VPS54: variants seen among roughly 807,000 people sequenced by gnomAD.
VPS54 encodes VPS54 subunit of GARP complex, also known as vacuolar protein sorting-associated protein 54.
VPS54 carries 45 observed loss-of-function variants against 121.5 expected under a neutral mutation model. The ratio of observed to expected loss-of-function variants is 0.37; its 90% CI spans 0.29 to 0.47. VPS54 has a LOEUF of 0.47. Among genes scored for constraint, VPS54 ranks in the 20% least tolerant of loss-of-function variants. The probability of loss-of-function intolerance (pLI) is 0.99; values close to 1 mark genes in which losing one functional copy is unlikely to be tolerated. For missense variants in VPS54, 1,090 were observed against 1,131.4 expected (o/e 0.96, Z 0.52); for synonymous variants, 371 against 385.8 (o/e 0.96, Z 0.45).
intron 1 of VPS54, among the ~76,000 whole-genome samples, chr2:63,985,003 A>C (rs1261190238): frequency 1.3e-5 from 2 of 152,236 alleles, no homozygotes; most frequent in Non-Finnish European, 2.9e-5. Context: ...AAAATCTGGC[A>C]AAAAGATAAA....
intron 20 of VPS54, 111 bp downstream of exon 20, chr2:63,912,234 C>T: frequency 1.9e-6 from 2 of 1,055,198 alleles, no homozygotes; most frequent in Non-Finnish European, 2.7e-6. Context: ...TGGTAAATAT[C>T]CTATGAAAGT....
intron 1 of VPS54, among the ~76,000 whole-genome samples, chr2:64,013,640 ATCAATATATAGATATATATT>A (rs1023275534): frequency 1.6e-4 from 23 of 146,140 alleles, no homozygotes; most frequent in African/African-American, 5.3e-4. Flanking sequence ...ATAAATATAT[ATCAATATATAGATATATATT>A]GATATATATA....
At chr2:63,977,127 C>T (rs1284462902) in intron 3 of VPS54, among the ~76,000 whole-genome samples, 1 of 152,132 alleles carries the variant, frequency 6.6e-6, no homozygotes, top group African/African-American at 2.4e-5. Context: ...CCATGCCCAG[C>T]CTTCTCTTTT....
intron 20 of VPS54, among the ~76,000 whole-genome samples, chr2:63,902,003 A>C (rs1672698628): frequency 6.6e-6 from 1 of 152,148 alleles, no homozygotes; most frequent in African/African-American, 2.4e-5. Flanking sequence ...AGACAAGAGC[A>C]AAACTCCGTC....
At chr2:63,910,707 G>T (rs1185674067) in intron 20 of VPS54, among the ~76,000 whole-genome samples, 1 of 152,108 alleles carries the variant, frequency 6.6e-6, no homozygotes, top group Non-Finnish European at 1.5e-5. Context: ...GCATACATGG[G>T]AAGTTAATTA....
chr2:63,989,811 G>A (rs1237821800), intron 1 of VPS54, among the ~76,000 whole-genome samples: 1 of 152,130 alleles, frequency 6.6e-6, no homozygotes, highest in Non-Finnish European at 1.5e-5. Flanking sequence ...ACTCTATTCA[G>A]GGCAGTGGGA....
intron 3 of VPS54, among the ~76,000 whole-genome samples, chr2:63,978,071 T>G (rs1029989337): frequency 5.3e-5 from 8 of 152,244 alleles, no homozygotes; most frequent in Non-Finnish European, 1.0e-4. Context: ...TCTATGATCT[T>G]ATGATTAGGT....
chr2:63,927,591 G>T (rs975473436), intron 12 of VPS54, among the ~76,000 whole-genome samples: 1 of 152,198 alleles, frequency 6.6e-6, no homozygotes, highest in African/African-American at 2.4e-5. Flanking sequence ...CCAAAAGCCA[G>T]AATACCTCTT....
chr2:63,984,985 C>T (rs781063788), intron 1 of VPS54, among the ~76,000 whole-genome samples: 21 of 151,992 alleles, frequency 1.4e-4, no homozygotes, highest in South Asian at 4.2e-4. Context: ...AACAAAAAGC[C>T]AAGTTAGAAA....
intron 1 of VPS54, among the ~76,000 whole-genome samples, chr2:63,998,617 T>G (rs761266885): frequency 6.6e-6 from 1 of 152,200 alleles, no homozygotes; most frequent in Non-Finnish European, 1.5e-5. Flanking sequence ...TACTATCTTA[T>G]AACCCACTGT....
chr2:64,017,384 A>G (rs1678759102), intron 1 of VPS54, among the ~76,000 whole-genome samples: 1 of 151,988 alleles, frequency 6.6e-6, no homozygotes, highest in African/African-American at 2.4e-5. Context: ...TGATGAAGAA[A>G]TTCTGCAAAA....
At chr2:63,951,522 G>T (rs747896547) in intron 7 of VPS54, among the ~76,000 whole-genome samples, 3 of 152,128 alleles carry the variant, frequency 2.0e-5, no homozygotes, top group Non-Finnish European at 4.4e-5. Context: ...AGTAGCAACA[G>T]GAGGTGGTTA....
At chr2:63,979,701 A>G (rs1676719232) in intron 3 of VPS54, among the ~76,000 whole-genome samples, 4 of 152,164 alleles carry the variant, frequency 2.6e-5, no homozygotes, top group African/African-American at 9.7e-5. Context: ...TTCAGTTCAA[A>G]CTACTTTCTG....
chr2:63,923,665 TGAG>T (rs1022364913), intron 12 of VPS54, among the ~76,000 whole-genome samples: 3 of 152,222 alleles, frequency 2.0e-5, no homozygotes, highest in African/African-American at 7.2e-5. Context: ...GGATGAAACT[TGAG>T]GACATTATGC....
At chr2:63,985,061 G>A (rs1407897887) in intron 1 of VPS54, among the ~76,000 whole-genome samples, 2 of 152,306 alleles carry the variant, frequency 1.3e-5, no homozygotes, top group East Asian at 1.9e-4. Context: ...GCTCATGCTT[G>A]TAAATCTCAG....
At chr2:63,920,032 A>C (rs1673567614) in intron 14 of VPS54, 37 bp from the exon 15 acceptor site, 2 of 1,512,168 alleles carry the variant, frequency 1.3e-6, no homozygotes, top group Admixed American at 3.8e-5. Context: ...GTAAACTTTA[A>C]CATTTCAATA....
chr2:63,985,678 T>C (rs79947555), intron 1 of VPS54, among the ~76,000 whole-genome samples: 22 of 101,768 alleles, frequency 2.2e-4, no homozygotes, highest in African/African-American at 8.0e-4. Flanking sequence ...AGTGACAAAT[T>C]ATACACACAC....
intron 1 of VPS54, among the ~76,000 whole-genome samples, chr2:64,008,884 C>T (rs1678295104): frequency 6.6e-6 from 1 of 152,222 alleles, no homozygotes; most frequent in East Asian, 1.9e-4. Flanking sequence ...AGCTTACTTT[C>T]AGATGTTTTT....
At chr2:63,975,608 C>G (rs1047735438) in intron 3 of VPS54, 1 of 152,426 alleles carries the variant, frequency 6.6e-6, no homozygotes, top group Non-Finnish European at 1.5e-5. Flanking sequence ...ACTGACTCAG[C>G]ACATGGAGAT....
Sources: gnomAD v4.1 joint callset for allele counts (sites outside exome capture counted in the v4.1 genomes callset) on GRCh38, gnomAD v4.1.1 for gene constraint, MANE v1.5 for transcripts, NCBI Gene and HGNC (gene_info 2026-07-23, HGNC 2026-07-21) for gene names.